UQCC2: variants seen among roughly 807,000 people sequenced by gnomAD.
The protein encoded by UQCC2 is ubiquinol-cytochrome c reductase complex assembly factor 2, also known as breast cancer-associated protein SGA-81M.
Under a neutral mutation model 19.9 loss-of-function variants are expected in UQCC2, and 21 were observed. The observed-to-expected ratio is 1.05, with a 90% CI of 0.75 to 1.52. The LOEUF (loss-of-function observed/expected upper bound fraction) is 1.52. UQCC2 is among the 40% of genes most tolerant of loss of function. The probability of loss-of-function intolerance (pLI) is 0.00; values close to 1 mark genes in which losing one functional copy is unlikely to be tolerated. For synonymous variants in UQCC2, 57 were observed against 60.9 expected, an observed-to-expected ratio of 0.94 and a Z score of 0.30; for missense variants, 135 against 157.5, an observed-to-expected ratio of 0.86 and a Z score of 0.76.
chr6:33,702,863 CCT>C (rs1765656856), intron 1 of UQCC2, among the ~76,000 whole-genome samples: 1 of 152,194 alleles, frequency 6.6e-6, no homozygotes, highest in African/African-American at 2.4e-5. Flanking sequence ...TCCACTGCTG[CCT>C]CTCTGTGCAT....
Position 33,711,029 on chromosome 6 carries a change from T to C in UQCC2, c.138+520A>G, listed in dbSNP as rs537835593. On this transcript the variant is annotated intron_variant, in intron 1 of 3. Coordinates refer to ENST00000607484, the MANE Select transcript of UQCC2 (RefSeq NM_032340.4). ...ACAACACTGCGAAATAATGAGGTAATGCTACCGTGACAAGGAAGCAAAAAG... is the reference window on the plus strand; with the variant it reads ...ACAACACTGCGAAATAATGAGGTAACGCTACCGTGACAAGGAAGCAAAAAG... 3.3e-5 allele frequency among the ~76,000 whole-genome samples: 5 copies of C among 152,286 alleles called. No homozygotes were observed. In the South Asian group the frequency reaches 1.0e-3, roughly 32 times the overall value.
intron 3 of UQCC2, 59 bp from the exon 4 acceptor site, chr6:33,697,809 A>T: frequency 6.9e-7 from 1 of 1,447,056 alleles, no homozygotes; most frequent in Non-Finnish European, 9.6e-7. Context: ...GATGACATAG[A>T]TTGGACCCAC....
intron 1 of UQCC2, among the ~76,000 whole-genome samples, chr6:33,707,683 G>A (rs1375120317): frequency 1.3e-5 from 2 of 152,184 alleles, no homozygotes; most frequent in East Asian, 1.9e-4. Context: ...TGTGCAGTCC[G>A]GGATCTTTTA....
chr6:33,700,552 A>G, intron 2 of UQCC2, 39 bp from the exon 3 acceptor site: 1 of 1,602,342 alleles, frequency 6.2e-7, no homozygotes, highest in Non-Finnish European at 8.6e-7. Flanking sequence ...GGGAGGGGAG[A>G]GATCAGCACA....
chr6:33,704,968 C>T (rs1056583018), intron 1 of UQCC2, among the ~76,000 whole-genome samples: 2 of 151,966 alleles, frequency 1.3e-5, no homozygotes, highest in African/African-American at 4.8e-5. Flanking sequence ...AGTGCTGCTC[C>T]TATAAGAGCA....
chr6:33,702,974 G>A (rs764447223), intron 1 of UQCC2, among the ~76,000 whole-genome samples: 3 of 152,212 alleles, frequency 2.0e-5, no homozygotes, highest in Non-Finnish European at 2.9e-5. Context: ...TCATGAGAAT[G>A]TACACCCAGA....
intron 1 of UQCC2, 47 bp downstream of exon 1, chr6:33,711,502 G>GCCTCGTCCTTT: frequency 6.4e-7 from 1 of 1,558,394 alleles, no homozygotes; most frequent in Non-Finnish European, 8.7e-7. Flanking sequence ...CCCCGCCCCT[G>GCCTCGTCCTTT]CCTCGTCCTT....
intron 2 of UQCC2, among the ~76,000 whole-genome samples, chr6:33,700,736 ACG>A (rs924314439): frequency 6.6e-6 from 1 of 152,190 alleles, no homozygotes; most frequent in African/African-American, 2.4e-5. Flanking sequence ...TCCCTGGAAA[ACG>A]CAGGTATGGG....
intron 3 of UQCC2, 112 bp downstream of exon 3, chr6:33,700,332 T>C (rs1765624397): frequency 1.7e-6 from 2 of 1,211,974 alleles, no homozygotes; most frequent in Non-Finnish European, 2.4e-6. Context: ...CTCTGGGCTG[T>C]TCTACAAGAC....
Position 33,703,743 on chromosome 6 carries a change from T to C in UQCC2, c.139-2323A>G, listed in dbSNP as rs533854963. ...ATAATGCCCCTTCACCCCATAATAT[T>C]TCAGTGTGCATTTCCTAAGAACAAG... On this transcript the variant is annotated intron_variant, in intron 1 of 3. Transcript: ENST00000607484. Among the ~76,000 whole-genome samples the C allele has an allele frequency of 3.3e-5, 5 of 152,320 alleles. No individual in the cohort carries two copies. The South Asian group carries it at 1.0e-3, about 32-fold the overall frequency.
intron 1 of UQCC2, among the ~76,000 whole-genome samples, chr6:33,701,956 G>A (rs1582180330): frequency 6.6e-6 from 1 of 151,968 alleles, no homozygotes; most frequent in Non-Finnish European, 1.5e-5. Context: ...GATGCCGTCA[G>A]CAAGGAAGAG....
intron 1 of UQCC2, among the ~76,000 whole-genome samples, chr6:33,706,445 C>T (rs895297430): frequency 6.6e-6 from 1 of 152,156 alleles, no homozygotes; most frequent in African/African-American, 2.4e-5. Flanking sequence ...ACTACAGAGA[C>T]AAGATACACA....
chr6:33,697,893 G>A, intron 3 of UQCC2, 143 bp from the exon 4 acceptor site: 1 of 647,504 alleles, frequency 1.5e-6, no homozygotes, highest in Non-Finnish European at 2.7e-6. Flanking sequence ...CCCAGCTCCT[G>A]AAGAGCAGAT....
intron 1 of UQCC2, among the ~76,000 whole-genome samples, chr6:33,705,394 G>C (rs1765688763): frequency 6.6e-6 from 1 of 152,084 alleles, no homozygotes; most frequent in Admixed American, 6.5e-5. Context: ...CAGAATTCCT[G>C]GACTCAGCTG....
intron 3 of UQCC2, chr6:33,698,045 A>G (rs1330302145): frequency 7.7e-6 from 3 of 390,122 alleles, no homozygotes; most frequent in Non-Finnish European, 1.4e-5. Context: ...CCTGCTCCGT[A>G]TGAGGGCAAA....
At position 33,697,737 on chromosome 6, in the gene UQCC2, C is replaced by T; in HGVS notation, c.297G>A (p.Glu99=). 1 of 1,613,990 alleles carries T rather than the reference C, an allele frequency of 6.2e-7. No homozygotes were observed. Among genetic ancestry groups the T allele is most frequent in the South Asian group, 1.1e-5 (1 of 91,066 alleles). The change falls in exon 4 of 4, where the codon GAG becomes GAA. Residue 99 remains glutamate (E), a synonymous_variant. Coordinates refer to ENST00000607484, the MANE Select transcript of UQCC2 (RefSeq NM_032340.4). The stretch of plus-strand genomic sequence containing the variant: ...ACATGCCTTTATCTATTTCCTTAAG[C>T]TCTTCCAAGGTGTCTGCAAAAGGGG... ...KLILSTDTLE[E]LKEIDKGMWK...
intron 1 of UQCC2, among the ~76,000 whole-genome samples, chr6:33,701,819 C>T (rs1240506911): frequency 1.3e-5 from 2 of 151,648 alleles, no homozygotes; most frequent in African/African-American, 4.8e-5. Flanking sequence ...GGAGTCCCCG[C>T]ATGCTCAAGT....
intron 1 of UQCC2, among the ~76,000 whole-genome samples, chr6:33,709,440 T>A (rs749668142): frequency 6.7e-6 from 1 of 148,564 alleles, no homozygotes; most frequent in Non-Finnish European, 1.5e-5. Context: ...AAGAACTAGC[T>A]AGACACTCGT....
intron 1 of UQCC2, among the ~76,000 whole-genome samples, chr6:33,710,648 C>T (rs1765755533): frequency 6.6e-6 from 1 of 152,222 alleles, no homozygotes; most frequent in Non-Finnish European, 1.5e-5. Context: ...ATCACGCTAC[C>T]CTATTTTCTA....
Sources: allele counts gnomAD v4.1 joint callset (sites outside exome capture counted in the v4.1 genomes callset), GRCh38; gene constraint gnomAD v4.1.1; transcripts MANE v1.5; gene names NCBI Gene and HGNC (gene_info 2026-07-23, HGNC 2026-07-21).